HS3ST4: variants seen among roughly 807,000 people sequenced by gnomAD.
The protein encoded by HS3ST4 is heparan sulfate-glucosamine 3-sulfotransferase 4, also known as heparan sulfate glucosamine 3-O-sulfotransferase 4.
In HS3ST4, 17 loss-of-function variants were observed where a neutral mutation model predicts 29.2. That is an observed-to-expected ratio of 0.58 (90% CI 0.40 to 0.87). HS3ST4 has a LOEUF of 0.87. Among genes scored for constraint, HS3ST4 ranks in the 40% least tolerant of loss-of-function variants. The pLI, the probability that HS3ST4 is intolerant of heterozygous loss-of-function variation, is 0.00. For synonymous variants in HS3ST4, 314 were observed against 285.7 expected (o/e 1.10, Z -1.00); for missense variants, 627 against 634.5 (o/e 0.99, Z 0.13).
intron 1 of HS3ST4, among the ~76,000 whole-genome samples, chr16:25,873,674 A>G (rs1334384986): frequency 2.0e-5 from 3 of 149,782 alleles, no homozygotes; most frequent in Admixed American, 6.7e-5. Flanking sequence ...CCATCCATCC[A>G]TCCATCCATC....
intron 1 of HS3ST4, among the ~76,000 whole-genome samples, chr16:25,758,886 G>A (rs1966772824): frequency 6.6e-6 from 1 of 152,036 alleles, no homozygotes; most frequent in South Asian, 2.1e-4. Context: ...AACACGGGAG[G>A]CGGAGGTTGC....
chr16:26,073,398 A>G (rs1002865177), intron 1 of HS3ST4, among the ~76,000 whole-genome samples: 5 of 151,798 alleles, frequency 3.3e-5, no homozygotes, highest in Non-Finnish European at 5.9e-5. Flanking sequence ...TTTCTGTGAC[A>G]GGGTCTCACT....
rs537299105 is a variant in HS3ST4 at position 25,881,358 on chromosome 16, T to C, written c.734+188207T>C. 4.6e-5 allele frequency among the ~76,000 whole-genome samples: 7 copies of C among 152,340 alleles called. No individual in the cohort carries two copies. The South Asian group carries it at 1.4e-3, about 32-fold the overall frequency. ...ATTTCATAGTTAAAAAAAAGTTCTA[T>C]GTCTAAGGACATAGAACATTCCTAA... On this transcript the variant is annotated intron_variant, in intron 1 of 1. Coordinates refer to ENST00000331351, the MANE Select transcript of HS3ST4 (RefSeq NM_006040.3).
chr16:25,864,999 CACAA>C (rs75222961), intron 1 of HS3ST4, among the ~76,000 whole-genome samples: 40,412 of 151,434 alleles, frequency 0.27, 5,880 homozygotes, highest in East Asian at 0.45. Flanking sequence ...CACTCACACA[CACAA>C]ACACACATAT....
chr16:26,026,690 A>G (rs1969478353), intron 1 of HS3ST4, among the ~76,000 whole-genome samples: 1 of 152,104 alleles, frequency 6.6e-6, no homozygotes, highest in Admixed American at 6.5e-5. Context: ...TGCTCATGTC[A>G]TTTCTCCAGA....
intron 1 of HS3ST4, among the ~76,000 whole-genome samples, chr16:26,053,729 A>T (rs1024719747): frequency 6.6e-6 from 1 of 152,226 alleles, no homozygotes; most frequent in Non-Finnish European, 1.5e-5. Flanking sequence ...CAATATATAT[A>T]TAAAAAATAC....
chr16:26,032,881 G>C, intron 1 of HS3ST4: 1 of 1,384,606 alleles, frequency 7.2e-7, no homozygotes. Context: ...GGCTTTGGTC[G>C]GTCTGGGGGT....
At chr16:25,726,325 C>A (rs1470976167) in intron 1 of HS3ST4, among the ~76,000 whole-genome samples, 1 of 152,172 alleles carries the variant, frequency 6.6e-6, no homozygotes, top group African/African-American at 2.4e-5. Flanking sequence ...CACACACGTA[C>A]ACACACATTT....
At chr16:25,796,910 A>C (rs899196620) in intron 1 of HS3ST4, among the ~76,000 whole-genome samples, 1 of 152,164 alleles carries the variant, frequency 6.6e-6, no homozygotes, top group Non-Finnish European at 1.5e-5. Context: ...GTAAACTGTC[A>C]TGGCACTGGT....
At chr16:26,075,533 A>G (rs574464166) in intron 1 of HS3ST4, among the ~76,000 whole-genome samples, 2 of 152,384 alleles carry the variant, frequency 1.3e-5, no homozygotes, top group South Asian at 2.1e-4. Context: ...TGGATCTAAC[A>G]GGAGCCATGC....
chr16:25,858,675 A>G (rs1244075771), intron 1 of HS3ST4, among the ~76,000 whole-genome samples: 1 of 151,962 alleles, frequency 6.6e-6, no homozygotes, highest in Non-Finnish European at 1.5e-5. Context: ...CAATATTTTC[A>G]ATGGTTATTT....
intron 1 of HS3ST4, among the ~76,000 whole-genome samples, chr16:26,072,356 T>C (rs1214653413): frequency 2.0e-5 from 3 of 152,190 alleles, no homozygotes; most frequent in Admixed American, 2.0e-4. Flanking sequence ...TCTGGAATTG[T>C]GTACTCTGGC....
chr16:25,736,423 A>G (rs951802253), intron 1 of HS3ST4, among the ~76,000 whole-genome samples: 5 of 152,222 alleles, frequency 3.3e-5, no homozygotes, highest in Admixed American at 1.3e-4. Context: ...TACGTGCTAT[A>G]TGGCACATAT....
chr16:25,834,918 G>C (rs946717633), intron 1 of HS3ST4, among the ~76,000 whole-genome samples: 1 of 152,168 alleles, frequency 6.6e-6, no homozygotes, highest in African/African-American at 2.4e-5. Context: ...CTGCACTCCA[G>C]CCTGGGCGAC....
intron 1 of HS3ST4, among the ~76,000 whole-genome samples, chr16:25,887,988 C>T (rs192585968): frequency 5.3e-5 from 8 of 152,250 alleles, no homozygotes; most frequent in East Asian, 3.9e-4. Flanking sequence ...TGAGCCACCG[C>T]GCCCGTCCCG....
rs375931027 is a variant in HS3ST4, at chr16:25,924,933, TG to T, written c.735-210678del. On this transcript the variant is annotated intron_variant, in intron 1 of 1. Coordinates refer to ENST00000331351, the MANE Select transcript of HS3ST4 (RefSeq NM_006040.3). ...ACTCTCTGACTCCATTAGGGTGCTTTGATTGCAAGTGTATTCATTTTCATCT... is the reference window on the plus strand; with the variant it reads ...ACTCTCTGACTCCATTAGGGTGCTTTATTGCAAGTGTATTCATTTTCATCT... Among the ~76,000 whole-genome samples, 1,261 of 152,252 alleles carry T rather than the reference TG, an allele frequency of 8.3e-3. 6 individuals are homozygous for T. Among genetic ancestry groups the T allele is most frequent in the Middle Eastern group, 0.017 (5 of 294 alleles).
At chr16:25,956,603 C>T (rs928300598) in intron 1 of HS3ST4, among the ~76,000 whole-genome samples, 1 of 151,482 alleles carries the variant, frequency 6.6e-6, no homozygotes, top group African/African-American at 2.4e-5. Flanking sequence ...TAAATGAATT[C>T]AGTAAAGTCT....
At chr16:25,825,073 G>A (rs909664949) in intron 1 of HS3ST4, among the ~76,000 whole-genome samples, 1 of 152,146 alleles carries the variant, frequency 6.6e-6, no homozygotes, top group African/African-American at 2.4e-5. Context: ...CAGACACACT[G>A]AGAGAAGAAT....
At chr16:25,986,734 A>G (rs1196877428) in intron 1 of HS3ST4, among the ~76,000 whole-genome samples, 2 of 152,214 alleles carry the variant, frequency 1.3e-5, no homozygotes, top group Admixed American at 1.3e-4. Context: ...ACTGGCAAGG[A>G]GCTCCTTCTC....
Sources: gnomAD v4.1 joint callset for allele counts (sites outside exome capture counted in the v4.1 genomes callset) on GRCh38, gnomAD v4.1.1 for gene constraint, MANE v1.5 for transcripts, NCBI Gene and HGNC (gene_info 2026-07-23, HGNC 2026-07-21) for gene names.